FRMD7: variants seen among roughly 807,000 people sequenced by gnomAD.
The protein encoded by FRMD7 is FERM domain containing 7.
Under a neutral mutation model 44.1 loss-of-function variants are expected in FRMD7, and 14 were observed. The ratio of observed to expected loss-of-function variants is 0.32; its 90% CI spans 0.21 to 0.50. The LOEUF is 0.50. Ranked by LOEUF, FRMD7 falls within the 20% of genes least tolerant of loss-of-function variation. The pLI, the probability that FRMD7 is intolerant of heterozygous loss-of-function variation, is 0.99. For synonymous variants in FRMD7, 212 were observed against 187.4 expected, an observed-to-expected ratio of 1.13 and a Z score of -1.07; for missense variants, 501 against 522.3, an observed-to-expected ratio of 0.96 and a Z score of 0.40.
chrX:132,106,886 C>T (rs920649955), intron 1 of FRMD7, among the ~76,000 whole-genome samples: 3 of 111,515 alleles, frequency 2.7e-5, no homozygotes, highest in African/African-American at 9.8e-5. Flanking sequence ...TGGAGTGTGG[C>T]AGGAGGGAGG....
chrX:132,127,872 A>G lies in FRMD7; in HGVS notation c.-28T>C. 8.6e-7 allele frequency: 1 copy of G among 1,165,771 alleles called. No homozygotes were observed. Among genetic ancestry groups the G allele is most frequent in the Non-Finnish European group, 1.2e-6 (1 of 853,485 alleles). On this transcript the variant is annotated 5_prime_UTR_variant, in exon 1 of 12. Transcript: ENST00000298542. ...TCAGCGAGGCCGTTGGGCTGCAAGC[A>G]GGCTCAGAGTGCTGTGGGTGCTTTC... is the stretch of plus-strand genomic sequence containing the variant.
chrX:132,094,832 T>A (rs1370043018), intron 4 of FRMD7, among the ~76,000 whole-genome samples: 2 of 111,511 alleles, frequency 1.8e-5, no homozygotes, highest in African/African-American at 6.5e-5. Flanking sequence ...GTAATTAATG[T>A]TTGCTGAAAA....
chrX:132,094,434 C>T (rs760695604), intron 4 of FRMD7, among the ~76,000 whole-genome samples: 36 of 111,958 alleles, frequency 3.2e-4, no homozygotes, highest in African/African-American at 1.1e-3. Flanking sequence ...GTTTCTGCCA[C>T]GTAGCAAAGC....
At chrX:132,127,144 T>A (rs1032836900) in intron 1 of FRMD7, among the ~76,000 whole-genome samples, 1 of 112,538 alleles carries the variant, frequency 8.9e-6, no homozygotes, top group Non-Finnish European at 1.9e-5. Context: ...TCTTAAGATG[T>A]TGGAACATGA....
intron 9 of FRMD7, among the ~76,000 whole-genome samples, chrX:132,081,003 T>C (rs1277907073): frequency 9.5e-6 from 1 of 105,777 alleles, no homozygotes; most frequent in Non-Finnish European, 1.9e-5. Flanking sequence ...ACAAAGAAAG[T>C]CAGATCACAG....
chrX:132,083,999 C>T (rs934827771), intron 8 of FRMD7, among the ~76,000 whole-genome samples: 4 of 111,809 alleles, frequency 3.6e-5, no homozygotes, highest in African/African-American at 9.8e-5. Context: ...ACCTTTGTCT[C>T]ACCCTTTACT....
intron 1 of FRMD7, among the ~76,000 whole-genome samples, chrX:132,124,998 A>C (rs1929121819): frequency 8.9e-6 from 1 of 112,126 alleles, no homozygotes; most frequent in Admixed American, 9.4e-5. Flanking sequence ...AAGCCATCGA[A>C]TATTAGGATC....
At position 132,078,898 on chromosome X, in the gene FRMD7, C is replaced by T. The variant is rs1425780492; in HGVS notation, c.1119G>A (p.Glu373=). ...TCCTCCTCCTACTCTCCAGCACTGGCTCAGATGCGTGCACTCCATTCACAT... is the reference window on the plus strand; with the variant it reads ...TCCTCCTCCTACTCTCCAGCACTGGTTCAGATGCGTGCACTCCATTCACAT... ...YQNVNGVHAS[E]PVLESRRRNS... The change falls in exon 12 of 12, where the codon GAG becomes GAA. Residue 373 remains glutamate (E), a synonymous_variant. Transcript: ENST00000298542. The T allele has an allele frequency of 8.3e-7, 1 of 1,206,210 alleles. No individual in the cohort carries two copies. Among genetic ancestry groups the T allele is most frequent in the African/African-American group, 1.7e-5 (1 of 57,653 alleles).
At chrX:132,092,955 G>GTC (rs1928223979) in intron 5 of FRMD7, among the ~76,000 whole-genome samples, 1 of 111,789 alleles carries the variant, frequency 8.9e-6, no homozygotes, top group Non-Finnish European at 1.9e-5. Flanking sequence ...GTCACTTCTT[G>GTC]TCTAACCACC....
In FRMD7 at chrX:132,078,928, G is replaced by A. The variant is rs755141737; in HGVS notation, c.1089C>T (p.Tyr363=). ...ATGCGTGCACTCCATTCACATTTTG[G>A]TAGTAGCCACCACCATATGCTAGTC... The part of the protein sequence containing the change: ...DLRLAYGGGY[Y]QNVNGVHASE... Residue 363 remains tyrosine (Y), a synonymous_variant, in exon 12 of 12, where the codon TAC becomes TAT. Transcript: ENST00000298542. 8.3e-7 allele frequency: 1 copy of A among 1,207,192 alleles called. No individual in the cohort carries two copies. The highest frequency in any genetic ancestry group is 2.2e-5 in the Admixed American group (1 of 45,665).
chrX:132,082,480 G>A lies in FRMD7; in HGVS notation c.788C>T (p.Ala263Val). Residue 263 changes from alanine (A) to valine (V), a missense_variant, in exon 9 of 12, where the codon GCC becomes GTC. Physicochemically the swap from Ala to Val is moderately conservative, Grantham distance 64. This residue lies in a region of FRMD7 where 453 missense variants were observed against 452.7 expected (regional missense o/e 1.00). Coordinates refer to ENST00000298542, the MANE Select transcript of FRMD7 (RefSeq NM_194277.3). ...ACAAGTCTTCCAGAAAGCCTTGCAGGCATCTCGGCTGGCCATGGTGAACTC... is the reference window on the plus strand; with the variant it reads ...ACAAGTCTTCCAGAAAGCCTTGCAGACATCTCGGCTGGCCATGGTGAACTC... Reference protein sequence around the residue: ...TLEFTMASRDACKAFWKTCVE... With the variant: ...TLEFTMASRDVCKAFWKTCVE... 1 of 1,210,002 alleles carries A rather than the reference G, an allele frequency of 8.3e-7. No individual in the cohort carries two copies. Among genetic ancestry groups the A allele is most frequent in the Non-Finnish European group, 1.1e-6 (1 of 893,673 alleles).
At chrX:132,121,627 ATATAAAAACCC>A (rs1179116218) in intron 1 of FRMD7, among the ~76,000 whole-genome samples, 2 of 110,637 alleles carry the variant, frequency 1.8e-5, no homozygotes, top group Non-Finnish European at 3.8e-5. Context: ...CAGAGAAGTT[ATATAAAAACCC>A]TAGTCAGTGA....
At chrX:132,098,241 A>G (rs1044136381) in intron 3 of FRMD7, among the ~76,000 whole-genome samples, 5 of 112,466 alleles carry the variant, frequency 4.4e-5, no homozygotes, top group African/African-American at 1.6e-4. Context: ...ATCTAAAATT[A>G]CAATTTAATA....
chrX:132,120,063 G>A (rs897944465), intron 1 of FRMD7, among the ~76,000 whole-genome samples: 1 of 111,547 alleles, frequency 9.0e-6, no homozygotes, highest in Non-Finnish European at 1.9e-5. Flanking sequence ...CCGCCTCCCA[G>A]ATGATTTTCC....
At chrX:132,082,215 A>T in intron 9 of FRMD7, 148 bp downstream of exon 9, 1 of 585,389 alleles carries the variant, frequency 1.7e-6, no homozygotes, top group Non-Finnish European at 3.0e-6. Flanking sequence ...TTAATGTGTC[A>T]TACAGAGAAT....
chrX:132,107,604 G>GGAGAGAGAGAGAGAGA (rs749047439), intron 1 of FRMD7, among the ~76,000 whole-genome samples: 1,323 of 91,095 alleles, frequency 0.015, 39 homozygotes, highest in African/African-American at 0.031. Flanking sequence ...TCTACATGGT[G>GGAGAGAGAGAGAGAGA]GAGAGAGAGA....
At chrX:132,107,715 A>G (rs1397413354) in intron 1 of FRMD7, among the ~76,000 whole-genome samples, 1 of 110,430 alleles carries the variant, frequency 9.1e-6, no homozygotes, top group African/African-American at 3.3e-5. Context: ...AACCTTAATT[A>G]CATCCTAAAA....
rs138220485 is a variant in FRMD7 at position 132,109,933 on chromosome X, G to A, written c.58-9217C>T. ...GAAAAGTGGGCAGAAGTCATACCAA[G>A]GGGAGTTGTTGTGGCATGTGAAGCC... On this transcript the variant is annotated intron_variant, in intron 1 of 11. Transcript: ENST00000298542. 7.0e-3 allele frequency among the ~76,000 whole-genome samples: 782 copies of A among 111,188 alleles called. 7 individuals are homozygous for A. Among genetic ancestry groups the A allele is most frequent in the African/African-American group, 0.024 (731 of 30,589 alleles).
At chrX:132,107,634 G>GAGAGAGAGAGA (rs1928681190) in intron 1 of FRMD7, among the ~76,000 whole-genome samples, 6 of 66,315 alleles carry the variant, frequency 9.0e-5, no homozygotes, top group Non-Finnish European at 6.2e-5. Flanking sequence ...AGAGAGAGAG[G>GAGAGAGAGAGA]GAGGGAGAAT....
Sources: allele counts gnomAD v4.1 joint callset (sites outside exome capture counted in the v4.1 genomes callset), GRCh38; gene constraint gnomAD v4.1.1; regional missense constraint gnomAD v4.1.1; transcripts MANE v1.5; gene names NCBI Gene and HGNC (gene_info 2026-07-23, HGNC 2026-07-21).